The following ANOS1 variants were observed in gnomAD, a reference collection of about 807,000 sequenced individuals.
ANOS1 encodes the protein anosmin-1.
In ANOS1, 6 loss-of-function variants were observed where a neutral mutation model predicts 59.0. The ratio of observed to expected loss-of-function variants is 0.10; its 90% CI spans 0.06 to 0.20. The LOEUF is 0.20. Among genes scored for constraint, ANOS1 ranks in the 10% least tolerant of loss-of-function variants. The probability of loss-of-function intolerance (pLI) is 1.00; values close to 1 mark genes in which losing one functional copy is unlikely to be tolerated. For missense variants in ANOS1, 433 were observed against 542.3 expected (o/e 0.80, Z 2.00); for synonymous variants, 217 against 223.4 (o/e 0.97, Z 0.25).
chrX:8,607,941 T>C (rs986090912), intron 3 of ANOS1, among the ~76,000 whole-genome samples: 4 of 111,438 alleles, frequency 3.6e-5, no homozygotes, highest in Non-Finnish European at 7.5e-5. Flanking sequence ...CAACAAATAA[T>C]TAGACAAGGA....
At chrX:8,692,208 A>C (rs1932618266) in intron 2 of ANOS1, among the ~76,000 whole-genome samples, 1 of 111,581 alleles carries the variant, frequency 9.0e-6, no homozygotes, top group African/African-American at 3.3e-5. Flanking sequence ...TATAATGTAA[A>C]AATTACAGGA....
At chrX:8,568,458 T>C in intron 7 of ANOS1, 82 bp from the exon 8 acceptor site, 1 of 908,556 alleles carries the variant, frequency 1.1e-6, no homozygotes, top group Admixed American at 2.2e-5. Flanking sequence ...CGTGTGTCAT[T>C]ATGAAGCATG....
At chrX:8,703,792 A>C (rs1932767925) in intron 1 of ANOS1, among the ~76,000 whole-genome samples, 1 of 111,764 alleles carries the variant, frequency 8.9e-6, no homozygotes, top group African/African-American at 3.3e-5. Flanking sequence ...AGATTGCAGG[A>C]TTTTCATTAC....
In ANOS1 at chrX:8,634,850, T is replaced by G. The variant is rs528087497; in HGVS notation, c.256-11180A>C. 2.7e-5 allele frequency among the ~76,000 whole-genome samples: 3 copies of G among 111,625 alleles called. No homozygotes were observed. In the Admixed American group the frequency reaches 2.9e-4, roughly 11 times the overall value. On this transcript the variant is annotated intron_variant, in intron 2 of 13. Transcript: ENST00000262648. Reference sequence around the variant, plus strand: ...GTTCCTATCAATGGGCTTATAGGAATAAACAGATTTAAAGACAAATGCTTC... The same window carrying G: ...GTTCCTATCAATGGGCTTATAGGAAGAAACAGATTTAAAGACAAATGCTTC...
chrX:8,612,619 T>C (rs1453923100), intron 3 of ANOS1, among the ~76,000 whole-genome samples: 1 of 105,246 alleles, frequency 9.5e-6, no homozygotes, highest in African/African-American at 3.6e-5. Flanking sequence ...CAAGAAAAAG[T>C]AGAGAATACA....
chrX:8,620,142 G>A (rs1314799950), intron 3 of ANOS1, among the ~76,000 whole-genome samples: 2 of 111,909 alleles, frequency 1.8e-5, no homozygotes, highest in Non-Finnish European at 3.8e-5. Flanking sequence ...TTTCTATAAA[G>A]GGCCAGATAT....
intron 1 of ANOS1, among the ~76,000 whole-genome samples, chrX:8,706,704 G>T (rs938639883): frequency 9.0e-6 from 1 of 111,591 alleles, no homozygotes; most frequent in African/African-American, 3.3e-5. Context: ...ACCTAAAACT[G>T]CTCTACAAAA....
intron 3 of ANOS1, among the ~76,000 whole-genome samples, chrX:8,610,955 A>G (rs1931045614): frequency 8.9e-6 from 1 of 111,802 alleles, no homozygotes; most frequent in Non-Finnish European, 1.9e-5. Context: ...AAGAAGCAGG[A>G]AATTGCGGCA....
chrX:8,605,423 A>G lies in ANOS1; in HGVS notation c.319-8167T>C, dbSNP rs1235637570. On this transcript the variant is annotated intron_variant, in intron 3 of 13. Coordinates refer to ENST00000262648, the MANE Select transcript of ANOS1 (RefSeq NM_000216.4). ...GACAAAAACATAAAGTTAAGAAATA[A>G]ACTAGAAATATCAAGATCATCTGAG... Among the ~76,000 whole-genome samples the G allele has an allele frequency of 2.7e-5, 3 of 111,321 alleles. No homozygotes were observed. In the East Asian group the frequency reaches 8.5e-4, roughly 31 times the overall value.
At chrX:8,537,512 T>C (rs975737607) in intron 10 of ANOS1, among the ~76,000 whole-genome samples, 31 of 111,980 alleles carry the variant, frequency 2.8e-4, no homozygotes, top group African/African-American at 9.7e-4. Context: ...AAAGATGACA[T>C]TTCCTGTGAT....
At chrX:8,640,700 T>C (rs1485012791) in intron 2 of ANOS1, among the ~76,000 whole-genome samples, 1 of 110,785 alleles carries the variant, frequency 9.0e-6, no homozygotes, top group African/African-American at 3.3e-5. Context: ...GAAACCCTGT[T>C]GCTATAATTG....
intron 6 of ANOS1, among the ~76,000 whole-genome samples, chrX:8,584,145 A>G (rs1930470176): frequency 8.9e-6 from 1 of 112,333 alleles, no homozygotes; most frequent in Admixed American, 9.5e-5. Context: ...CCTGCAGGCA[A>G]CTGAACAGAT....
In ANOS1 at chrX:8,529,406, A is replaced by T. The variant is rs1356872925; in HGVS notation, c.*3589T>A. 8.9e-6 allele frequency: 1 copy of T among 112,114 alleles called. No homozygotes were observed. The highest frequency in any genetic ancestry group is 1.9e-5 in the Non-Finnish European group (1 of 53,282). 9.2% of individuals were successfully genotyped at this position (112,114 alleles called of 1,213,427 possible). On this transcript the variant is annotated 3_prime_UTR_variant, in exon 14 of 14. Transcript: ENST00000262648. ...CCATTGTGTTCTGCCTATAATATGAAAGTTTATATAATAAGTTTTAGAGTT... is the reference window on the plus strand; with the variant it reads ...CCATTGTGTTCTGCCTATAATATGATAGTTTATATAATAAGTTTTAGAGTT...
chrX:8,640,603 A>C (rs918445402), intron 2 of ANOS1, among the ~76,000 whole-genome samples: 4 of 110,200 alleles, frequency 3.6e-5, no homozygotes, highest in South Asian at 3.9e-4. Flanking sequence ...AAAAAAAAAA[A>C]AAAACTGTTG....
chrX:8,631,503 A>C (rs899463011), intron 2 of ANOS1, among the ~76,000 whole-genome samples: 4 of 112,029 alleles, frequency 3.6e-5, no homozygotes, highest in Admixed American at 9.5e-5. Context: ...CTATGCGAAA[A>C]CTAGAATGGC....
At chrX:8,642,066 C>T (rs1931673923) in intron 2 of ANOS1, among the ~76,000 whole-genome samples, 1 of 111,325 alleles carries the variant, frequency 9.0e-6, no homozygotes, top group African/African-American at 3.3e-5. Flanking sequence ...ATGCTCCTTA[C>T]AGCATTATTC....
At chrX:8,674,060 C>T (rs772667816) in intron 2 of ANOS1, among the ~76,000 whole-genome samples, 30 of 112,110 alleles carry the variant, frequency 2.7e-4, no homozygotes, top group Middle Eastern at 4.6e-3. Flanking sequence ...GAAACTTCCC[C>T]AGCTCCCAAG....
At chrX:8,690,494 G>A (rs909674669) in intron 2 of ANOS1, among the ~76,000 whole-genome samples, 2 of 111,819 alleles carry the variant, frequency 1.8e-5, no homozygotes, top group East Asian at 2.8e-4. Context: ...GATAAAAAAC[G>A]TTCACCTTTG....
At chrX:8,705,561 G>A (rs1407135166) in intron 1 of ANOS1, among the ~76,000 whole-genome samples, 5 of 111,332 alleles carry the variant, frequency 4.5e-5, no homozygotes, top group Non-Finnish European at 9.4e-5. Flanking sequence ...ATAAACCCCC[G>A]ATTAATGCTG....
Sources: gnomAD v4.1 joint callset for allele counts (sites outside exome capture counted in the v4.1 genomes callset) on GRCh38, gnomAD v4.1.1 for gene constraint, MANE v1.5 for transcripts, NCBI Gene and HGNC (gene_info 2026-07-23, HGNC 2026-07-21) for gene names.